TEX101: variants seen among roughly 807,000 people sequenced by gnomAD.
The protein encoded by TEX101 is testis expressed 101, also known as testis-expressed protein 101.
In TEX101, 10 loss-of-function variants were observed where a neutral mutation model predicts 18.1. The ratio of observed to expected loss-of-function variants is 0.55; its 90% CI spans 0.34 to 0.94. TEX101 has a LOEUF of 0.94. Among genes scored for constraint, TEX101 ranks in the 40% least tolerant of loss-of-function variants. TEX101 has a pLI of 0.02. For missense variants in TEX101, 259 were observed against 298.9 expected (o/e 0.87, Z 0.98); for synonymous variants, 94 against 114.8 (o/e 0.82, Z 1.16).
At chr19:43,394,425 C>A in the TEX101 span, among the ~76,000 whole-genome samples, 1 of 152,142 alleles carries the variant, frequency 6.6e-6, no homozygotes, top group South Asian at 2.1e-4. Flanking sequence ...GTGAAGGTAC[C>A]CTCTTAGCCT....
chr19:43,393,221 G>A, the TEX101 span, among the ~76,000 whole-genome samples: 2 of 152,190 alleles, frequency 1.3e-5, no homozygotes, highest in African/African-American at 2.4e-5. Context: ...GTGAGGAGGA[G>A]ACAGAGCCAG....
At chr19:43,393,514 C>T in the TEX101 span, among the ~76,000 whole-genome samples, 6 of 152,206 alleles carry the variant, frequency 3.9e-5, no homozygotes, top group Middle Eastern at 3.4e-3. Flanking sequence ...AATGCACCCT[C>T]ATGTTTCATA....
At chr19:43,405,549 CAAAAAAAAAAAAAAAA>C (rs1163062557) in intron 2 of TEX101, among the ~76,000 whole-genome samples, 36 of 38,502 alleles carry the variant, frequency 9.4e-4, no homozygotes, top group African/African-American at 3.1e-3. Context: ...AACTCTGTCT[CAAAAAAAAAAAAAAAA>C]AAAAAAAAAA....
intron 3 of TEX101, among the ~76,000 whole-genome samples, chr19:43,408,784 C>G (rs1461199831): frequency 1.3e-5 from 2 of 152,172 alleles, no homozygotes; most frequent in Non-Finnish European, 2.9e-5. Context: ...AGACCAGACT[C>G]TTCCCATCCC....
chr19:43,389,183 G>C, the TEX101 span, among the ~76,000 whole-genome samples: 1 of 152,214 alleles, frequency 6.6e-6, no homozygotes, highest in African/African-American at 2.4e-5. Context: ...TCTGGCTGCA[G>C]TGCAGTTTTT....
upstream of TEX101, among the ~76,000 whole-genome samples, chr19:43,397,156 G>A (rs1177494998): frequency 6.6e-6 from 1 of 152,110 alleles, no homozygotes; most frequent in African/African-American, 2.4e-5. Flanking sequence ...TTTTTATTAT[G>A]AAGCTGGGTG....
At chr19:43,406,436 A>G in exon 3 of TEX101, 2 of 759,162 alleles carry the variant, frequency 2.6e-6, no homozygotes, top group Non-Finnish European at 2.4e-6. Context: ...TCTGAGCCTG[A>G]TTGAAAGGCG....
At chr19:43,412,935 G>C (rs944154034), upstream of TEX101, among the ~76,000 whole-genome samples, 12 of 152,204 alleles carry the variant, frequency 7.9e-5, no homozygotes, top group South Asian at 2.1e-4. Context: ...AGGAAAGAGA[G>C]AAAGCAAAAA....
chr19:43,394,032 TA>T, the TEX101 span, among the ~76,000 whole-genome samples: 2 of 151,574 alleles, frequency 1.3e-5, no homozygotes, highest in Non-Finnish European at 2.9e-5. Context: ...AATCCAAACC[TA>T]GGGAATTTAT....
At chr19:43,416,044 G>T in intron 2 of TEX101, 55 bp from the exon 3 acceptor site, 1 of 1,611,254 alleles carries the variant, frequency 6.2e-7, no homozygotes, top group Non-Finnish European at 8.5e-7. Context: ...ATGATGAAAA[G>T]GGAGCCGCCT....
In TEX101 at chr19:43,418,555, T is replaced by G; in HGVS notation, c.*158T>G. 1 of 642,706 alleles carries G rather than the reference T, an allele frequency of 1.6e-6. No homozygotes were observed. Among genetic ancestry groups the G allele is most frequent in the Non-Finnish European group, 2.6e-6 (1 of 377,950 alleles). 39.8% of individuals were successfully genotyped at this position (642,706 alleles called of 1,614,324 possible). ...TTTTTAATACAATTTCTGCTATAAT[T>G]TTTGTATGCAGTAGGCGTTACTAAT... On this transcript the variant is annotated 3_prime_UTR_variant, in exon 6 of 6. Transcript: ENST00000598265.
upstream of TEX101, among the ~76,000 whole-genome samples, chr19:43,414,377 A>C (rs1421655501): frequency 1.3e-5 from 2 of 152,156 alleles, no homozygotes; most frequent in Admixed American, 1.3e-4. Flanking sequence ...GACCATGAGG[A>C]GGCTGGTGCG....
chr19:43,407,480 C>A (rs1970377286), intron 3 of TEX101, among the ~76,000 whole-genome samples: 4 of 125,914 alleles, frequency 3.2e-5, no homozygotes, highest in Admixed American at 2.5e-4. Flanking sequence ...AGCGAAACTT[C>A]GTCAAAAAAA....
At chr19:43,406,933 T>TTG (rs1555745340) in intron 3 of TEX101, among the ~76,000 whole-genome samples, 1 of 117,038 alleles carries the variant, frequency 8.5e-6, no homozygotes, top group Non-Finnish European at 1.7e-5. Context: ...TGTTTTTTGT[T>TTG]TTTTTTTTTT....
At chr19:43,390,854 C>CT in the TEX101 span, among the ~76,000 whole-genome samples, 1 of 151,438 alleles carries the variant, frequency 6.6e-6, no homozygotes, top group East Asian at 1.9e-4. Context: ...CCACCCAGAA[C>CT]TTTTTCATAT....
intron 3 of TEX101, among the ~76,000 whole-genome samples, chr19:43,409,467 T>C (rs571103762): frequency 4.7e-4 from 72 of 152,302 alleles, no homozygotes; most frequent in South Asian, 1.5e-3. Flanking sequence ...GGGGTACAGA[T>C]TGGTCAAATT....
At chr19:43,412,970 A>T (rs1444690011), upstream of TEX101, among the ~76,000 whole-genome samples, 1 of 152,192 alleles carries the variant, frequency 6.6e-6, no homozygotes, top group Non-Finnish European at 1.5e-5. Context: ...GAAGTAAGAT[A>T]AATAGCCAGT....
At position 43,418,201 on chromosome 19, in the gene TEX101, G is replaced by A. The variant is rs745380105; in HGVS notation, c.554G>A (p.Cys185Tyr). ...GAGTCGTCTGTGGAGGTCAAAGGCT[G>A]TACAGCCATGATTGGCTGCAGGCTG... ...GIESSVEVKG[C>Y]TAMIGCRLMS... Residue 185 changes from cysteine (C) to tyrosine (Y), a missense_variant, in exon 6 of 6, where the codon TGT becomes TAT. Transcript: ENST00000598265. 16 of 1,614,050 alleles carry A rather than the reference G, an allele frequency of 9.9e-6. No homozygotes were observed. Among genetic ancestry groups the A allele is most frequent in the Admixed American group, 5.0e-5 (3 of 60,004 alleles).
the TEX101 span, among the ~76,000 whole-genome samples, chr19:43,392,488 C>T: frequency 5.9e-5 from 9 of 152,214 alleles, no homozygotes; most frequent in South Asian, 1.9e-3. Flanking sequence ...ACCTCACTTA[C>T]CTCACCCTCA....
Sources: gnomAD v4.1 joint callset for allele counts (sites outside exome capture counted in the v4.1 genomes callset) on GRCh38, gnomAD v4.1.1 for gene constraint, MANE v1.5 for transcripts, NCBI Gene and HGNC (gene_info 2026-07-23, HGNC 2026-07-21) for gene names.